Variants in STEAP2 observed in about 807,000 individuals in gnomAD.
The protein encoded by STEAP2 is STEAP2 metalloreductase.
A neutral mutation model predicts 46.4 loss-of-function variants in STEAP2; 30 were observed. That is an observed-to-expected ratio of 0.65 (90% confidence interval 0.48 to 0.88). The LOEUF (loss-of-function observed/expected upper bound fraction) is 0.88. Among genes scored for constraint, STEAP2 ranks in the 40% least tolerant of loss-of-function variants. The pLI is 0.00. For synonymous variants in STEAP2, 180 were observed against 200.5 expected (o/e 0.90, Z 0.86); for missense variants, 513 against 579.3 (o/e 0.89, Z 1.18).
chr7:90,225,041 C>G lies in STEAP2; in HGVS notation c.-33-9C>G, dbSNP rs1795420037. 6.3e-7 allele frequency: 1 copy of G among 1,576,794 alleles called. No homozygotes were observed. Among genetic ancestry groups the G allele is most frequent in the Non-Finnish European group, 8.6e-7 (1 of 1,163,182 alleles). ...GTAACTGATGACCATTTTATTTTCT[C>G]TCCCCTAGGATATTCTTGGTGATCT... is the stretch of plus-strand genomic sequence containing the variant. On this transcript the variant is annotated splice_polypyrimidine_tract_variant and intron_variant, in intron 2 of 5. Coordinates refer to ENST00000394621, the MANE Select transcript of STEAP2 (RefSeq NM_001244944.2).
Position 90,234,091 on chromosome 7 carries a change from A to C in STEAP2, c.*1467A>C. The C allele has an allele frequency of 3.0e-6, 3 of 985,386 alleles. No homozygotes were observed. Among genetic ancestry groups the C allele is most frequent in the Non-Finnish European group, 3.6e-6 (3 of 829,926 alleles). 61.0% of individuals were successfully genotyped at this position (985,386 alleles called of 1,614,324 possible). ...TTAGTCTTCTCCTTTTCTCTTCCTG[A>C]GAAGTTCTCCTGCCTGCATAACCAT... On this transcript the variant is annotated 3_prime_UTR_variant, in exon 6 of 6. Transcript: ENST00000394621.
chr7:90,225,079 T>C lies in STEAP2; in HGVS notation c.-4T>C. ...TTCTTGGTGATCTTGGAAGTGTCCG[T>C]ATCATGGAATCAATCTCTATGATGG... On this transcript the variant is annotated 5_prime_UTR_variant, in exon 3 of 6. Coordinates refer to ENST00000394621, the MANE Select transcript of STEAP2 (RefSeq NM_001244944.2). 1.2e-6 allele frequency: 2 copies of C among 1,612,206 alleles called. No homozygotes were observed. The highest frequency in any genetic ancestry group is 4.5e-5 in the East Asian group (2 of 44,850).
intron 2 of STEAP2, among the ~76,000 whole-genome samples, chr7:90,224,038 C>G (rs914961596): frequency 6.6e-6 from 1 of 152,164 alleles, no homozygotes; most frequent in Non-Finnish European, 1.5e-5. Context: ...TATCACAGTC[C>G]TCTCTGCCTC....
At chr7:90,226,609 A>T (rs1229521493) in intron 3 of STEAP2, among the ~76,000 whole-genome samples, 1 of 152,184 alleles carries the variant, frequency 6.6e-6, no homozygotes, top group Non-Finnish European at 1.5e-5. Flanking sequence ...AAACATGCAA[A>T]TATTTCTATG....
At chr7:90,238,636 C>T (rs1465147162), downstream of STEAP2, among the ~76,000 whole-genome samples, 1 of 152,192 alleles carries the variant, frequency 6.6e-6, no homozygotes, top group Non-Finnish European at 1.5e-5. Flanking sequence ...TCTCCTACTG[C>T]CTCACTTCCA....
At chr7:90,240,110 A>G (rs956513056), downstream of STEAP2, among the ~76,000 whole-genome samples, 1 of 152,048 alleles carries the variant, frequency 6.6e-6, no homozygotes, top group East Asian at 1.9e-4. This position sits in a 1 kb window ranked among gnomAD's most constrained non-coding sequence, Gnocchi z 4.1. Context: ...CATCTCTACA[A>G]AAAACAACAA....
chr7:90,219,205 A>T (rs1795150792), intron 2 of STEAP2, among the ~76,000 whole-genome samples: 1 of 152,038 alleles, frequency 6.6e-6, no homozygotes, highest in Admixed American at 6.6e-5. Context: ...GTTTATCTAG[A>T]TCTAAGATCA....
At position 90,236,172 on chromosome 7, in the gene STEAP2, A is replaced by T. The variant is rs1339241420; in HGVS notation, c.*3548A>T. 1.4e-6 allele frequency: 1 copy of T among 721,454 alleles called. No homozygotes were observed. Among genetic ancestry groups the T allele is most frequent in the Non-Finnish European group, 1.7e-6 (1 of 590,670 alleles). 44.7% of individuals were successfully genotyped at this position (721,454 alleles called of 1,614,324 possible). Reference sequence around the variant, plus strand: ...CTTGCCATTAAGCTATTTCATAATAAATTCTGTACAGTTTCCCCCCAAAAA... The same window carrying T: ...CTTGCCATTAAGCTATTTCATAATATATTCTGTACAGTTTCCCCCCAAAAA... On this transcript the variant is annotated 3_prime_UTR_variant, in exon 6 of 6. Coordinates refer to ENST00000394621, the MANE Select transcript of STEAP2 (RefSeq NM_001244944.2).
chr7:90,235,123 T>A lies in STEAP2; in HGVS notation c.*2499T>A, dbSNP rs775872151. 1 of 941,208 alleles carries A rather than the reference T, an allele frequency of 1.1e-6. No homozygotes were observed. Among genetic ancestry groups the A allele is most frequent in the Non-Finnish European group, 1.3e-6 (1 of 789,520 alleles). 58.3% of individuals were successfully genotyped at this position (941,208 alleles called of 1,614,324 possible). On this transcript the variant is annotated 3_prime_UTR_variant, in exon 6 of 6. Transcript: ENST00000394621. ...AGTTAAATGACTATTAAAGCATATA[T>A]TGTTGCATGTATATATTAAGTAGCC...
chr7:90,237,400 A>G lies in STEAP2; in HGVS notation c.*4776A>G, dbSNP rs1795997761. The G allele has an allele frequency of 6.4e-6, 1 of 155,602 alleles. No individual in the cohort carries two copies. Among genetic ancestry groups the G allele is most frequent in the African/African-American group, 2.4e-5 (1 of 41,548 alleles). 9.6% of individuals were successfully genotyped at this position (155,602 alleles called of 1,614,324 possible). On this transcript the variant is annotated 3_prime_UTR_variant, in exon 6 of 6. Coordinates refer to ENST00000394621, the MANE Select transcript of STEAP2 (RefSeq NM_001244944.2). The stretch of plus-strand genomic sequence containing the variant: ...CAATTCACATTAAAATTGATTTTCC[A>G]TTGTCAATTAGTTATACTCATTTTC...
intron 2 of STEAP2, among the ~76,000 whole-genome samples, chr7:90,220,203 AATTGGTGTT>A (rs1258446691): frequency 6.6e-6 from 1 of 152,134 alleles, no homozygotes; most frequent in African/African-American, 2.4e-5. Flanking sequence ...GTTTGAAGAG[AATTGGTGTT>A]AGGTCTGTTT....
At chr7:90,228,330 C>A (rs1397724648) in intron 4 of STEAP2, among the ~76,000 whole-genome samples, 1 of 151,428 alleles carries the variant, frequency 6.6e-6, no homozygotes, top group Non-Finnish European at 1.5e-5. Context: ...AGTACTTAAG[C>A]TTGTTTCAAC....
intron 2 of STEAP2, among the ~76,000 whole-genome samples, chr7:90,219,723 G>A (rs942257573): frequency 7.2e-5 from 11 of 151,914 alleles, no homozygotes; most frequent in Admixed American, 3.9e-4. Flanking sequence ...AGACACACAC[G>A]CGCGCACACA....
At position 90,235,627 on chromosome 7, in the gene STEAP2, A is replaced by G. The variant is rs1795938462; in HGVS notation, c.*3003A>G. On this transcript the variant is annotated 3_prime_UTR_variant, in exon 6 of 6. Coordinates refer to ENST00000394621, the MANE Select transcript of STEAP2 (RefSeq NM_001244944.2). ...GTCTTAATCCTATGCAAAAAAAAAA[A>G]TCAAGTAATTGTTTTCCTATGAGGA... 2.1e-6 allele frequency: 2 copies of G among 971,970 alleles called. No individual in the cohort carries two copies. The highest frequency in any genetic ancestry group is 2.4e-6 in the Non-Finnish European group (2 of 820,180). The allele number at this position is 971,970 out of a possible 1,614,324, so 60.2% of individuals were successfully genotyped here.
chr7:90,220,015 T>C (rs1016367647), intron 2 of STEAP2, among the ~76,000 whole-genome samples: 2 of 152,184 alleles, frequency 1.3e-5, no homozygotes, highest in African/African-American at 4.8e-5. Context: ...GCATAAGCCA[T>C]CATGTCTGGC....
chr7:90,243,039 A>C (rs1331708844), downstream of STEAP2, among the ~76,000 whole-genome samples: 3 of 152,220 alleles, frequency 2.0e-5, no homozygotes, highest in African/African-American at 7.2e-5. Context: ...GGATGAGAAA[A>C]GCGGAAGAAT....
chr7:90,243,125 C>T (rs1166496566), downstream of STEAP2, among the ~76,000 whole-genome samples: 1 of 152,196 alleles, frequency 6.6e-6, no homozygotes, highest in Non-Finnish European at 1.5e-5. Context: ...CTAGGATTTA[C>T]AATCAAATGC....
At chr7:90,239,157 G>C (rs1299117479), downstream of STEAP2, among the ~76,000 whole-genome samples, 1 of 152,170 alleles carries the variant, frequency 6.6e-6, no homozygotes, top group Non-Finnish European at 1.5e-5. Context: ...TGTATTTGGA[G>C]ATAGGATCTT....
At position 90,233,327 on chromosome 7, in the gene STEAP2, A is replaced by AT. The variant is rs1424003066; in HGVS notation, c.*704dup. 26 of 983,392 alleles carry AT rather than the reference A, an allele frequency of 2.6e-5. No individual in the cohort carries two copies. The African/African-American group carries it at 4.5e-4, about 17-fold the overall frequency. The allele number at this position is 983,392 out of a possible 1,614,324, so 60.9% of individuals were successfully genotyped here. On this transcript the variant is annotated 3_prime_UTR_variant, in exon 6 of 6. Transcript: ENST00000394621. ...TGTGTTACAGAGCAGTTTCATTTTC[A>AT]TATTAATATACTGATCAGGAAGAGG...
Sources: gnomAD v4.1 joint callset for allele counts (sites outside exome capture counted in the v4.1 genomes callset) on GRCh38, gnomAD v4.1.1 for gene constraint, Gnocchi (gnomAD v3.1) non-coding constraint, MANE v1.5 for transcripts, NCBI Gene and HGNC (gene_info 2026-07-23, HGNC 2026-07-21) for gene names.